TET2: variants seen among roughly 807,000 people sequenced by gnomAD.
The protein encoded by TET2 is tet methylcytosine dioxygenase 2.
TET2 carries 299 observed loss-of-function variants against 142.9 expected under a neutral mutation model. The observed-to-expected ratio is 2.09, with a 90% CI of 1.90 to 2.30. The LOEUF is 2.30. Ranked by LOEUF, TET2 falls within the 30% of genes most tolerant of loss-of-function variation. TET2 has a pLI of 0.00. For missense variants in TET2, 2,418 were observed against 2,378.0 expected, an observed-to-expected ratio of 1.02 and a Z score of -0.35; for synonymous variants, 819 against 849.0, an observed-to-expected ratio of 0.96 and a Z score of 0.61.
chr4:105,242,213 C>G, intron 4 of TET2: 1 of 1,098,064 alleles, frequency 9.1e-7, no homozygotes, highest in East Asian at 4.8e-5. Context: ...TGTAGAAGTT[C>G]ACTAAATAAT....
chr4:105,146,909 T>C lies in TET2; in HGVS notation c.-263T>C, dbSNP rs1723048990. On this transcript the variant is annotated 5_prime_UTR_variant, in exon 1 of 11. Transcript: ENST00000380013. ...GCAGAAGGAAGCAAGATGGCTGCCC[T>C]TTAGGATTTGTTAGAAAGGAGACCC... 1 of 152,538 alleles carries C rather than the reference T, an allele frequency of 6.6e-6. No homozygotes were observed. The highest frequency in any genetic ancestry group is 2.4e-5 in the African/African-American group (1 of 41,470). The allele number at this position is 152,538 out of a possible 1,614,324, so 9.4% of individuals were successfully genotyped here. A position where few individuals can be genotyped will look rare whatever the true frequency, so the allele number is the denominator to read the frequency against.
At chr4:105,180,766 G>A (rs759138467) in intron 1 of TET2, among the ~76,000 whole-genome samples, 7 of 151,800 alleles carry the variant, frequency 4.6e-5, no homozygotes, top group Non-Finnish European at 7.4e-5. Flanking sequence ...CAGCCTGCCG[G>A]GTAGCTAGAA....
chr4:105,188,485 A>G (rs1725592761), intron 1 of TET2, among the ~76,000 whole-genome samples: 1 of 152,240 alleles, frequency 6.6e-6, no homozygotes, highest in African/African-American at 2.4e-5. Flanking sequence ...TTAATGCCAC[A>G]GAATAGTATA....
intron 1 of TET2, among the ~76,000 whole-genome samples, chr4:105,157,924 C>G (rs540627776): frequency 6.6e-5 from 10 of 152,072 alleles, no homozygotes; most frequent in African/African-American, 1.9e-4. Context: ...TGATCCACCC[C>G]CTTCTGCTTC....
chr4:105,256,593 A>G (rs1306247066), intron 6 of TET2, among the ~76,000 whole-genome samples: 2 of 152,146 alleles, frequency 1.3e-5, no homozygotes, highest in Non-Finnish European at 2.9e-5. Flanking sequence ...TTTATGTTAC[A>G]TGGAGTTAGT....
At chr4:105,173,658 T>C (rs546241305) in intron 1 of TET2, among the ~76,000 whole-genome samples, 1 of 152,248 alleles carries the variant, frequency 6.6e-6, no homozygotes, top group African/African-American at 2.4e-5. Flanking sequence ...AATGCAAAGG[T>C]GATGACATGA....
At chr4:105,256,727 CTA>C (rs1377074126) in intron 6 of TET2, among the ~76,000 whole-genome samples, 2 of 151,978 alleles carry the variant, frequency 1.3e-5, no homozygotes, top group Non-Finnish European at 2.9e-5. Flanking sequence ...TGCATTATGT[CTA>C]TGTTGGTATG....
chr4:105,206,742 G>C (rs1451864339), intron 2 of TET2, among the ~76,000 whole-genome samples: 1 of 151,968 alleles, frequency 6.6e-6, no homozygotes, highest in Non-Finnish European at 1.5e-5. Context: ...GTTTTTCTTT[G>C]ACTGTTTAAA....
At chr4:105,165,275 C>T (rs1724094596) in intron 1 of TET2, among the ~76,000 whole-genome samples, 1 of 152,280 alleles carries the variant, frequency 6.6e-6, no homozygotes, top group Non-Finnish European at 1.5e-5. Flanking sequence ...ACTCAGGAGA[C>T]TGAGGCACGA....
Position 105,236,841 on chromosome 4 carries a change from C to T in TET2, c.2899C>T (p.Gln967Ter), listed in dbSNP as rs1560547088. 1 of 1,614,132 alleles carries T rather than the reference C, an allele frequency of 6.2e-7. No individual in the cohort carries two copies. The highest frequency in any genetic ancestry group is 8.5e-7 in the Non-Finnish European group (1 of 1,180,006). ...LQKQEQQQTQ[Q>*]PQTESCHSQM... ...GAAGCAAGAACAGCAGCAAACACAG[C>T]AACCCCAAACTGAGTCTTGCCATAG... Residue 967 changes from glutamine (Q) to a stop codon, truncating the protein, a stop_gained, in exon 3 of 11, where the codon CAA (glutamine) becomes TAA (stop). Coordinates refer to ENST00000380013, the MANE Select transcript of TET2 (RefSeq NM_001127208.3). LOFTEE classifies it high-confidence loss of function.
intron 6 of TET2, among the ~76,000 whole-genome samples, chr4:105,246,181 C>T (rs1034809756): frequency 1.3e-5 from 2 of 152,136 alleles, no homozygotes; most frequent in East Asian, 1.9e-4. Context: ...CCCTGGCCTC[C>T]CAAAGTGCTG....
Position 105,234,690 on chromosome 4 carries a change from A to G in TET2, c.748A>G (p.Asn250Asp). ...IAVQKTTSHI[N>D]AINSQATNEL... Reference sequence around the variant, plus strand: ...GGTGCAGAAAACCACATCTCACATAAATGCCATTAACAGTCAGGCTACTAA... The same window carrying G: ...GGTGCAGAAAACCACATCTCACATAGATGCCATTAACAGTCAGGCTACTAA... Residue 250 changes from asparagine (N) to aspartate (D), a missense_variant, in exon 3 of 11, where the codon AAT (asparagine) becomes GAT (aspartate). By Grantham distance (23) the Asn-to-Asp change is conservative (BLOSUM62 1). Transcript: ENST00000380013. 4 of 1,614,076 alleles carry G rather than the reference A, an allele frequency of 2.5e-6. No individual in the cohort carries two copies. The highest frequency in any genetic ancestry group is 3.4e-6 in the Non-Finnish European group (4 of 1,180,018).
In TET2 at chr4:105,235,400, C is replaced by G. The variant is rs1560543296; in HGVS notation, c.1458C>G (p.Asn486Lys). Residue 486 changes from asparagine to lysine, a missense_variant, in exon 3 of 11, where the codon AAC becomes AAG. Transcript: ENST00000380013. ...AAAGGCCTCAGAATAATTGTGTGAA[C>G]AGGAATGACATACAGACTGCAGGGA... ...LSERPQNNCV[N>K]RNDIQTAGTM... 2.5e-6 allele frequency: 4 copies of G among 1,614,038 alleles called. No individual in the cohort carries two copies. In the South Asian group the frequency reaches 4.4e-5, roughly 18 times the overall value.
chr4:105,176,191 T>A (rs1724784601), intron 1 of TET2, among the ~76,000 whole-genome samples: 1 of 152,164 alleles, frequency 6.6e-6, no homozygotes, highest in Admixed American at 6.5e-5. Flanking sequence ...GTTTACATCA[T>A]ACTTAATTTT....
chr4:105,206,821 G>A (rs1192723157), intron 2 of TET2, among the ~76,000 whole-genome samples: 5 of 152,154 alleles, frequency 3.3e-5, no homozygotes, highest in African/African-American at 4.8e-5. Context: ...CCTCCAGCCT[G>A]ATTTTGTTCA....
intron 1 of TET2, among the ~76,000 whole-genome samples, chr4:105,153,079 A>C (rs1723390064): frequency 6.6e-6 from 1 of 152,254 alleles, no homozygotes. Context: ...ATGGGATCAT[A>C]TATTTTTAAT....
intron 6 of TET2, among the ~76,000 whole-genome samples, chr4:105,253,426 A>G (rs745659795): frequency 3.9e-5 from 6 of 152,060 alleles, no homozygotes; most frequent in Non-Finnish European, 5.9e-5. Context: ...GGGGGGTGCT[A>G]ATGGTAATGT....
At chr4:105,214,075 T>C (rs1003174228) in intron 2 of TET2, among the ~76,000 whole-genome samples, 6 of 152,072 alleles carry the variant, frequency 3.9e-5, no homozygotes, top group Non-Finnish European at 8.8e-5. Context: ...GGTCTCCAAC[T>C]CCTGGCCTCA....
At chr4:105,190,883 A>G (rs928097809) in intron 2 of TET2, among the ~76,000 whole-genome samples, 2 of 152,278 alleles carry the variant, frequency 1.3e-5, no homozygotes, top group East Asian at 1.9e-4. Context: ...CTTCGTCTCA[A>G]TCTTGTTAAG....
Sources: gnomAD v4.1 joint callset for allele counts (sites outside exome capture counted in the v4.1 genomes callset) on GRCh38, gnomAD v4.1.1 for gene constraint, MANE v1.5 for transcripts, NCBI Gene and HGNC (gene_info 2026-07-23, HGNC 2026-07-21) for gene names.